Variants in CNTN4 observed in about 807,000 individuals in gnomAD.
The protein encoded by CNTN4 is contactin 4, also known as contactin-4.
In CNTN4, 77 loss-of-function variants were observed where a neutral mutation model predicts 122.5. That is an observed-to-expected ratio of 0.63 (90% CI 0.52 to 0.76). The LOEUF (loss-of-function observed/expected upper bound fraction) is 0.76. Among genes scored for constraint, CNTN4 ranks in the 30% least tolerant of loss-of-function variants. The pLI, the probability that CNTN4 is intolerant of heterozygous loss-of-function variation, is 0.00. For synonymous variants in CNTN4, 512 were observed against 447.0 expected (o/e 1.15, Z -1.83); for missense variants, 1,256 against 1,259.1 (o/e 1.00, Z 0.04).
Position 2,591,395 on chromosome 3 carries a change from C to G in CNTN4, c.55+19837C>G, listed in dbSNP as rs111464098. ...TTTTTTTTTTTTTGAGACGGAGTCT[C>G]GCTCTGTCGCCCAGGCTGGAGTGCA... On this transcript the variant is annotated intron_variant, in intron 4 of 24. Transcript: ENST00000418658. 8.3e-4 allele frequency among the ~76,000 whole-genome samples: 29 copies of G among 34,796 alleles called. 1 individual carries two copies. Among genetic ancestry groups the G allele is most frequent in the African/African-American group, 2.0e-3 (19 of 9,582 alleles). 22.8% of individuals were successfully genotyped at this position (34,796 alleles called of 152,430 possible).
chr3:2,857,544 G>C (rs186088440), intron 7 of CNTN4, among the ~76,000 whole-genome samples: 23 of 152,254 alleles, frequency 1.5e-4, no homozygotes, highest in African/African-American at 5.3e-4. Flanking sequence ...CTGGTTTGAT[G>C]GTTTGATCAC....
chr3:2,287,973 A>C (rs1343168082), intron 2 of CNTN4, among the ~76,000 whole-genome samples: 1 of 152,158 alleles, frequency 6.6e-6, no homozygotes, highest in Non-Finnish European at 1.5e-5. Flanking sequence ...TTTTGTGTTA[A>C]CTTTATAAGA....
intron 4 of CNTN4, among the ~76,000 whole-genome samples, chr3:2,616,614 A>G (rs1309903211): frequency 1.3e-5 from 2 of 152,138 alleles, no homozygotes; most frequent in South Asian, 4.1e-4. Flanking sequence ...AAGCATTCCT[A>G]TTTCTCCATA....
Position 2,591,839 on chromosome 3 carries a change from C to T in CNTN4, c.55+20281C>T, listed in dbSNP as rs561851205. On this transcript the variant is annotated intron_variant, in intron 4 of 24. Coordinates refer to ENST00000418658, the MANE Select transcript of CNTN4 (RefSeq NM_175607.3). ...GTAGTAGTCTGCTCTTTATTTGAGT[C>T]GAGACTAAGAAGCAATCATTGAAAG... is the stretch of plus-strand genomic sequence containing the variant. Among the ~76,000 whole-genome samples, 5 of 152,082 alleles carry T rather than the reference C, an allele frequency of 3.3e-5. No homozygotes were observed. In the South Asian group the frequency reaches 8.3e-4, roughly 25 times the overall value.
chr3:2,972,159 C>G (rs1398642800), intron 13 of CNTN4, among the ~76,000 whole-genome samples: 1 of 152,128 alleles, frequency 6.6e-6, no homozygotes, highest in Non-Finnish European at 1.5e-5. Context: ...GTGACCACTA[C>G]AAAGCGAGTA....
chr3:2,176,162 G>A (rs2036739269), intron 2 of CNTN4, among the ~76,000 whole-genome samples: 1 of 152,098 alleles, frequency 6.6e-6, no homozygotes, highest in Non-Finnish European at 1.5e-5. Context: ...TAACTATGTA[G>A]CCAATGACAG....
intron 3 of CNTN4, among the ~76,000 whole-genome samples, chr3:2,368,259 C>G (rs1308560784): frequency 6.6e-6 from 1 of 151,698 alleles, no homozygotes; most frequent in Non-Finnish European, 1.5e-5. Flanking sequence ...GTCTCGATCT[C>G]CTGACCTCAT....
chr3:2,237,883 G>A (rs1023546272), intron 2 of CNTN4, among the ~76,000 whole-genome samples: 4 of 151,962 alleles, frequency 2.6e-5, no homozygotes, highest in African/African-American at 9.7e-5. Flanking sequence ...TAGCCTATAG[G>A]CCATTATTAA....
At chr3:2,293,918 C>T (rs1575291659) in intron 2 of CNTN4, among the ~76,000 whole-genome samples, 1 of 152,116 alleles carries the variant, frequency 6.6e-6, no homozygotes, top group East Asian at 1.9e-4. Context: ...ATTTAGTGTA[C>T]AATTCTGGAG....
chr3:2,318,794 T>C (rs1371919589), intron 2 of CNTN4, among the ~76,000 whole-genome samples: 1 of 152,136 alleles, frequency 6.6e-6, no homozygotes, highest in Non-Finnish European at 1.5e-5. Context: ...TGCATGCCAC[T>C]ATGCCTGGCT....
At chr3:2,829,069 C>A (rs1462415903) in intron 7 of CNTN4, among the ~76,000 whole-genome samples, 1 of 152,162 alleles carries the variant, frequency 6.6e-6, no homozygotes, top group African/African-American at 2.4e-5. Context: ...GCGATCTTGT[C>A]TGTTGCCTCT....
chr3:2,866,382 A>G lies in CNTN4; in HGVS notation c.455-370A>G, dbSNP rs538125778. On this transcript the variant is annotated intron_variant, in intron 7 of 24. Coordinates refer to ENST00000418658, the MANE Select transcript of CNTN4 (RefSeq NM_175607.3). ...AATAGTTTCCAGGGTGGCTTCCAGC[A>G]TTACTATATCAAGATTATAGGCACC... The G allele has an allele frequency of 6.0e-6, 5 of 828,036 alleles. No homozygotes were observed. The African/African-American group carries it at 9.1e-5, about 15-fold the overall frequency. 51.3% of individuals were successfully genotyped at this position (828,036 alleles called of 1,614,324 possible).
At chr3:2,106,270 T>C (rs531722521) in intron 2 of CNTN4, among the ~76,000 whole-genome samples, 1 of 152,322 alleles carries the variant, frequency 6.6e-6, no homozygotes, top group Non-Finnish European at 1.5e-5. Context: ...ACAGCTCCAT[T>C]AGGCAGTGTC....
At chr3:2,331,806 G>C (rs1237566476) in intron 2 of CNTN4, among the ~76,000 whole-genome samples, 1 of 152,176 alleles carries the variant, frequency 6.6e-6, no homozygotes, top group Non-Finnish European at 1.5e-5. Flanking sequence ...GAGACTGTTT[G>C]GGAAAGGGTG....
intron 12 of CNTN4, among the ~76,000 whole-genome samples, chr3:2,905,699 T>C (rs2094222958): frequency 6.6e-6 from 1 of 152,218 alleles, no homozygotes; most frequent in Non-Finnish European, 1.5e-5. Context: ...AATAAAGGCA[T>C]GTCATCAAAT....
chr3:2,271,576 TATC>T (rs1036264057), intron 2 of CNTN4, among the ~76,000 whole-genome samples: 7 of 152,154 alleles, frequency 4.6e-5, no homozygotes, highest in African/African-American at 1.7e-4. Flanking sequence ...TGTAATTACT[TATC>T]ATTGTTGTTT....
At chr3:2,924,553 A>G (rs1319997689) in intron 12 of CNTN4, among the ~76,000 whole-genome samples, 1 of 152,194 alleles carries the variant, frequency 6.6e-6, no homozygotes, top group Non-Finnish European at 1.5e-5. Flanking sequence ...ATTTTCCAGG[A>G]AAAATGTCTT....
intron 4 of CNTN4, among the ~76,000 whole-genome samples, chr3:2,702,347 T>A (rs946773006): frequency 6.6e-6 from 1 of 152,220 alleles, no homozygotes; most frequent in Admixed American, 6.5e-5. Context: ...AAACGAACAC[T>A]GCAAGTATCC....
chr3:2,169,754 A>C (rs2036385382), intron 2 of CNTN4, among the ~76,000 whole-genome samples: 1 of 152,148 alleles, frequency 6.6e-6, no homozygotes, highest in Admixed American at 6.5e-5. Flanking sequence ...ATAACAATTC[A>C]CTGTAAACAG....
Sources: gnomAD v4.1 joint callset for allele counts (sites outside exome capture counted in the v4.1 genomes callset) on GRCh38, gnomAD v4.1.1 for gene constraint, MANE v1.5 for transcripts, NCBI Gene and HGNC (gene_info 2026-07-23, HGNC 2026-07-21) for gene names.